Variants in XRN1 observed in about 807,000 individuals in gnomAD.
The protein encoded by XRN1 is strand-exchange protein 1 homolog.
XRN1 carries 67 observed loss-of-function variants against 222.3 expected under a neutral mutation model. That is an observed-to-expected ratio of 0.30 (90% CI 0.25 to 0.37). XRN1 has a LOEUF of 0.37. Among genes scored for constraint, XRN1 ranks in the 10% least tolerant of loss-of-function variants. The pLI, the probability that XRN1 is intolerant of heterozygous loss-of-function variation, is 1.00. For missense variants in XRN1, 1,707 were observed against 2,000.2 expected (o/e 0.85, Z 2.80); for synonymous variants, 643 against 652.4 (o/e 0.99, Z 0.22).
chr3:142,418,858 C>A lies in XRN1; in HGVS notation c.1197G>T (p.Trp399Cys), dbSNP rs376344448. The change falls in exon 11 of 41, where the codon TGG becomes TGT. Residue 399 changes from tryptophan to cysteine, a missense_variant. This residue lies in a region of XRN1 where 1,234 missense variants were observed against 1,518.2 expected (regional missense o/e 0.81). Coordinates refer to ENST00000392981, the MANE Select transcript of XRN1 (RefSeq NM_001282857.2). ...KLKGQENSLC[W>C]TALDKNEGEM... ...CGCCTTCATTTTTGTCTAAAGCAGT[C>A]CAACACAGAGAATTTTCCTGGCCCT... is the stretch of plus-strand genomic sequence containing the variant. 1.2e-6 allele frequency: 2 copies of A among 1,613,834 alleles called. No homozygotes were observed. Among genetic ancestry groups the A allele is most frequent in the Non-Finnish European group, 1.7e-6 (2 of 1,179,942 alleles).
chr3:142,428,239 A>C (rs1336034800), intron 2 of XRN1, among the ~76,000 whole-genome samples: 1 of 152,012 alleles, frequency 6.6e-6, no homozygotes. Context: ...TTAAAAATAC[A>C]AAAAGAATTA....
rs2065045053 is a variant in XRN1 at position 142,310,013 on chromosome 3, A to G, written c.*1498T>C. The stretch of plus-strand genomic sequence containing the variant: ...AAAATAACAGAAAATAAAATCATGG[A>G]AACTTATACGACTATGATAAATGAC... On this transcript the variant is annotated 3_prime_UTR_variant, in exon 41 of 41. Transcript: ENST00000392981. The G allele has an allele frequency of 6.6e-6, 1 of 152,650 alleles. No individual in the cohort carries two copies. The highest frequency in any genetic ancestry group is 2.4e-5 in the African/African-American group (1 of 41,458). The allele number at this position is 152,650 out of a possible 1,614,324, so 9.5% of individuals were successfully genotyped here.
At chr3:142,427,508 A>C (rs759688262) in intron 2 of XRN1, among the ~76,000 whole-genome samples, 12 of 152,210 alleles carry the variant, frequency 7.9e-5, no homozygotes, top group Non-Finnish European at 1.3e-4. Flanking sequence ...TCTAATGATA[A>C]TGACATTTAA....
intron 15 of XRN1, among the ~76,000 whole-genome samples, chr3:142,408,819 G>A (rs1035802273): frequency 2.3e-4 from 35 of 152,284 alleles, no homozygotes; most frequent in African/African-American, 7.7e-4. Flanking sequence ...CATTAGCAGT[G>A]TATAAAAATT....
intron 4 of XRN1, 37 bp downstream of exon 4, chr3:142,425,392 C>CT (rs747044123): frequency 2.5e-6 from 4 of 1,577,772 alleles, no homozygotes; most frequent in African/African-American, 1.4e-5. Flanking sequence ...ATATTAAATA[C>CT]TTTTTTTAAA....
Position 142,397,370 on chromosome 3 carries a change from T to C in XRN1, c.2298A>G (p.Glu766=). 6.2e-7 allele frequency: 1 copy of C among 1,606,140 alleles called. No individual in the cohort carries two copies. Among genetic ancestry groups the C allele is most frequent in the Non-Finnish European group, 8.5e-7 (1 of 1,175,464 alleles). Residue 766 remains glutamate, a synonymous_variant, in exon 20 of 41, where the codon GAA becomes GAG. Coordinates refer to ENST00000392981, the MANE Select transcript of XRN1 (RefSeq NM_001282857.2). ...GTACTTCTTTTGCCCAGTTAGATTGTTCTTTATCTCCAAGATGAACCACTT... is the reference window on the plus strand; with the variant it reads ...GTACTTCTTTTGCCCAGTTAGATTGCTCTTTATCTCCAAGATGAACCACTT... ...PSKVVHLGDK[E]QSNWAKEVQG...
In XRN1 at chr3:142,356,981, A is replaced by T; in HGVS notation, c.3603T>A (p.Ser1201Arg). Residue 1201 changes from serine (S) to arginine (R), a missense_variant, in exon 31 of 41, where the codon AGT becomes AGA. Physicochemically the swap from Ser to Arg is moderately radical, Grantham distance 110. This residue lies in a region of XRN1 where 1,234 missense variants were observed against 1,518.2 expected (regional missense o/e 0.81). Coordinates refer to ENST00000392981, the MANE Select transcript of XRN1 (RefSeq NM_001282857.2). ...CCAAATGCCCAGAGGAAACTGATGA[A>T]CTTGAGCTATGTTGATGTACAGCTG... Reference protein sequence around the residue: ...PQPAVHQHSSSSSVSSGHLGA... With the variant: ...PQPAVHQHSSRSSVSSGHLGA... 1.9e-6 allele frequency: 3 copies of T among 1,614,064 alleles called. 1 individual carries two copies. In the South Asian group the frequency reaches 3.3e-5, roughly 18 times the overall value.
Position 142,421,012 on chromosome 3 carries a change from A to C in XRN1, c.1173+4T>G, listed in dbSNP as rs889395338. 31 of 1,613,544 alleles carry C rather than the reference A, an allele frequency of 1.9e-5. No homozygotes were observed. Among genetic ancestry groups the C allele is most frequent in the Non-Finnish European group, 2.6e-5 (31 of 1,179,868 alleles). On this transcript the variant is annotated splice_donor_region_variant and intron_variant, in intron 10 of 40. Coordinates refer to ENST00000392981, the MANE Select transcript of XRN1 (RefSeq NM_001282857.2). ...AATGAAAGGACACCTAAAAAAATAGACACCTTTAACTTTTTCTTTTCCTTG... is the reference window on the plus strand; with the variant it reads ...AATGAAAGGACACCTAAAAAAATAGCCACCTTTAACTTTTTCTTTTCCTTG...
chr3:142,411,484 C>A (rs2068578732), intron 15 of XRN1, among the ~76,000 whole-genome samples: 1 of 151,904 alleles, frequency 6.6e-6, no homozygotes, highest in African/African-American at 2.4e-5. Context: ...TCCTTTTAAG[C>A]CCTGCTTTAG....
chr3:142,314,028 A>G (rs758919756), intron 39 of XRN1, among the ~76,000 whole-genome samples: 6 of 152,344 alleles, frequency 3.9e-5, no homozygotes, highest in African/African-American at 1.4e-4. Flanking sequence ...TGCTATGCTA[A>G]TCTTATACAA....
In XRN1 at chr3:142,375,905, G is replaced by A; in HGVS notation, c.2871C>T (p.Leu957=). Residue 957 remains leucine, a synonymous_variant, in exon 25 of 41, where the codon CTC becomes CTT. Coordinates refer to ENST00000392981, the MANE Select transcript of XRN1 (RefSeq NM_001282857.2). ...CCTCCTCATTTTTCTTGTTGAATTT[G>A]AGATTTAAACCCACATTTGCTTTAT... ...GDHKANVGLN[L]KFNKKNEEVP... 1 of 1,613,360 alleles carries A rather than the reference G, an allele frequency of 6.2e-7. No homozygotes were observed. The highest frequency in any genetic ancestry group is 8.5e-7 in the Non-Finnish European group (1 of 1,179,820).
chr3:142,357,576 G>A (rs1192493327), intron 30 of XRN1, among the ~76,000 whole-genome samples: 1 of 152,096 alleles, frequency 6.6e-6, no homozygotes, highest in African/African-American at 2.4e-5. Context: ...ACAGGTGCAA[G>A]GCACCACAAC....
chr3:142,371,087 A>G (rs1188963562), intron 26 of XRN1, 152 bp downstream of exon 26: 7 of 674,962 alleles, frequency 1.0e-5, no homozygotes, highest in East Asian at 2.8e-5. Context: ...AGTGAGCCAC[A>G]TTTGAGCCAC....
In XRN1 at chr3:142,370,535, G is replaced by A; in HGVS notation, c.3154C>T (p.Leu1052=). The A allele has an allele frequency of 6.2e-7, 1 of 1,606,950 alleles. No individual in the cohort carries two copies. Among genetic ancestry groups the A allele is most frequent in the African/African-American group, 1.3e-5 (1 of 74,646 alleles). Residue 1052 remains leucine, a synonymous_variant, in exon 27 of 41, where the codon CTG becomes TTG. Coordinates refer to ENST00000392981, the MANE Select transcript of XRN1 (RefSeq NM_001282857.2). The part of the protein sequence containing the change: ...LSRSSCDLQI[L]DAAIVEKIEE... ...ATTTTCTCAACAATAGCTGCATCCA[G>A]AATTTGTAAATCACAAGAAGAACGA...
chr3:142,364,903 TA>T (rs1229349639), intron 29 of XRN1, 143 bp downstream of exon 29: 40 of 871,866 alleles, frequency 4.6e-5, no homozygotes, highest in South Asian at 7.1e-5. Flanking sequence ...AAGTATAACC[TA>T]AAAAAAATTT....
chr3:142,390,001 G>A (rs889155413), intron 20 of XRN1, among the ~76,000 whole-genome samples: 3 of 152,236 alleles, frequency 2.0e-5, no homozygotes, highest in Non-Finnish European at 4.4e-5. Flanking sequence ...TCAATGAACA[G>A]TAATATTTGG....
At chr3:142,365,468 AAG>A (rs1230113387) in intron 27 of XRN1, 102 bp from the exon 28 acceptor site, 1 of 820,034 alleles carries the variant, frequency 1.2e-6, no homozygotes, top group African/African-American at 1.8e-5. Context: ...AAGCCAAATG[AAG>A]AGATTAATTT....
Position 142,329,635 on chromosome 3 carries a change from A to G in XRN1, c.4223-20T>C. The G allele has an allele frequency of 6.6e-7, 1 of 1,523,568 alleles. No homozygotes were observed. Among genetic ancestry groups the G allele is most frequent in the African/African-American group, 1.5e-5 (1 of 68,846 alleles). The allele number at this position is 1,523,568 out of a possible 1,614,324, so 94.4% of individuals were successfully genotyped here. Reference sequence around the variant, plus strand: ...AAGATGCTACCAAAAAAGAGAAAAGAGTCTATCTTTATTAATAAAATACTA... The same window carrying G: ...AAGATGCTACCAAAAAAGAGAAAAGGGTCTATCTTTATTAATAAAATACTA... On this transcript the variant is annotated intron_variant, in intron 36 of 40. Coordinates refer to ENST00000392981, the MANE Select transcript of XRN1 (RefSeq NM_001282857.2).
chr3:142,395,682 T>C (rs1424458268), intron 20 of XRN1, among the ~76,000 whole-genome samples: 3 of 152,246 alleles, frequency 2.0e-5, no homozygotes, highest in African/African-American at 7.2e-5. Context: ...CAGCTCTTGC[T>C]AAATCTCTTC....
Sources: gnomAD v4.1 joint callset for allele counts (sites outside exome capture counted in the v4.1 genomes callset) on GRCh38, gnomAD v4.1.1 for gene constraint, gnomAD v4.1.1 regional missense constraint, MANE v1.5 for transcripts, NCBI Gene and HGNC (gene_info 2026-07-23, HGNC 2026-07-21) for gene names.